Variants in SLC35F1 observed in about 807,000 individuals in gnomAD.
The protein encoded by SLC35F1 is solute carrier family 35 member F1, also known as chromosome 6 open reading frame 169.
Under a neutral mutation model 48.7 loss-of-function variants are expected in SLC35F1, and 14 were observed. The ratio of observed to expected loss-of-function variants is 0.29; its 90% CI spans 0.19 to 0.45. SLC35F1 has a LOEUF of 0.45. Ranked by LOEUF, SLC35F1 falls within the 20% of genes least tolerant of loss-of-function variation. SLC35F1 has a pLI of 1.00. For synonymous variants in SLC35F1, 190 were observed against 202.2 expected (o/e 0.94, Z 0.51); for missense variants, 404 against 500.0 (o/e 0.81, Z 1.83).
intron 1 of SLC35F1, among the ~76,000 whole-genome samples, chr6:117,926,206 T>G (rs1776025322): frequency 6.6e-6 from 1 of 152,254 alleles, no homozygotes; most frequent in South Asian, 2.1e-4. Context: ...CGCCATGCTG[T>G]TCTCTTGGTA....
chr6:118,118,259 A>G (rs1246597877), intron 1 of SLC35F1, among the ~76,000 whole-genome samples: 1 of 152,178 alleles, frequency 6.6e-6, no homozygotes, highest in East Asian at 1.9e-4. Context: ...AACTTTAGCC[A>G]TTCTAGTGGG....
At chr6:118,086,298 CT>C (rs1772988976) in intron 1 of SLC35F1, among the ~76,000 whole-genome samples, 1 of 152,176 alleles carries the variant, frequency 6.6e-6, no homozygotes, top group Non-Finnish European at 1.5e-5. Flanking sequence ...CAGGCTGTGC[CT>C]GTCTTCTGTA....
intron 1 of SLC35F1, among the ~76,000 whole-genome samples, chr6:118,127,251 G>C (rs546175133): frequency 1.4e-4 from 22 of 152,120 alleles, no homozygotes; most frequent in African/African-American, 5.1e-4. Context: ...TGTGGTTTTT[G>C]TCTTTGGTTC....
At chr6:118,061,821 C>G (rs183766764) in intron 1 of SLC35F1, among the ~76,000 whole-genome samples, 137 of 152,190 alleles carry the variant, frequency 9.0e-4, no homozygotes, top group Non-Finnish European at 1.5e-3. Flanking sequence ...AGCATGCAAC[C>G]TAGATCCTTC....
intron 1 of SLC35F1, among the ~76,000 whole-genome samples, chr6:118,056,113 G>T (rs1772459348): frequency 6.6e-6 from 1 of 152,180 alleles, no homozygotes; most frequent in Non-Finnish European, 1.5e-5. Context: ...ACTTTTCTAA[G>T]TGTTTGTGTT....
rs115705925 is a variant in SLC35F1, at chr6:117,926,950, C to T, written c.173+19051C>T. ...ATTCTAACTACCCTTTTTGAAACCA[C>T]GGGTTTTGATTGGTAATTACTGCAT... On this transcript the variant is annotated intron_variant, in intron 1 of 7. Transcript: ENST00000360388. Among the ~76,000 whole-genome samples, 922 of 152,052 alleles carry T rather than the reference C, an allele frequency of 6.1e-3. 6 individuals carry two copies. The highest frequency in any genetic ancestry group is 0.021 in the African/African-American group (885 of 41,482).
intron 2 of SLC35F1, 143 bp from the exon 3 acceptor site, chr6:118,235,366 T>C: frequency 1.2e-6 from 1 of 840,932 alleles, no homozygotes; most frequent in Non-Finnish European, 1.8e-6. Context: ...TGTGGGTATC[T>C]GATACGTTGA....
chr6:117,960,688 C>T (rs1012169039), intron 1 of SLC35F1, among the ~76,000 whole-genome samples: 7 of 151,958 alleles, frequency 4.6e-5, no homozygotes, highest in African/African-American at 1.7e-4. Flanking sequence ...GTATTCTCTG[C>T]AGAAGGAAAA....
chr6:118,187,399 T>C (rs1774671277), intron 2 of SLC35F1, among the ~76,000 whole-genome samples: 1 of 152,200 alleles, frequency 6.6e-6, no homozygotes, highest in Non-Finnish European at 1.5e-5. Flanking sequence ...AACCAACTCA[T>C]GAAAATAGTT....
intron 1 of SLC35F1, among the ~76,000 whole-genome samples, chr6:117,977,201 C>CT (rs35727493): frequency 0.21 from 30,553 of 143,310 alleles, 3,381 homozygotes; most frequent in East Asian, 0.3. Context: ...TTCTTTCTTT[C>CT]TTTTTTTTTT....
In SLC35F1 at chr6:118,314,741, C is replaced by T. The variant is rs1179896415; in HGVS notation, c.*489C>T. 1 of 158,804 alleles carries T rather than the reference C, an allele frequency of 6.3e-6. No homozygotes were observed. The highest frequency in any genetic ancestry group is 1.4e-5 in the Non-Finnish European group (1 of 71,178). 9.8% of individuals were successfully genotyped at this position (158,804 alleles called of 1,614,324 possible). A position where few individuals can be genotyped will look rare whatever the true frequency, so the allele number is the denominator to read the frequency against. On this transcript the variant is annotated 3_prime_UTR_variant, in exon 8 of 8. Transcript: ENST00000360388. ...AGTGATGCATGCCACAGGAGCTCCA[C>T]CCCTGAGAAGTTTCCTTTTCCTAGG...
At chr6:117,926,132 C>T (rs958942957) in intron 1 of SLC35F1, among the ~76,000 whole-genome samples, 1 of 152,000 alleles carries the variant, frequency 6.6e-6, no homozygotes, top group Admixed American at 6.6e-5. Flanking sequence ...AATTGTAATC[C>T]CTATAATCCC....
chr6:118,091,090 A>G, intron 1 of SLC35F1, among the ~76,000 whole-genome samples: 1 of 152,220 alleles, frequency 6.6e-6, no homozygotes, highest in Non-Finnish European at 1.5e-5. Context: ...GGGTGAATTG[A>G]TCTTAACTGA....
At chr6:118,104,480 A>G (rs1318505789) in intron 1 of SLC35F1, among the ~76,000 whole-genome samples, 1 of 152,242 alleles carries the variant, frequency 6.6e-6, no homozygotes, top group Non-Finnish European at 1.5e-5. Flanking sequence ...TAAATGCTCA[A>G]TAAATGTTAG....
intron 1 of SLC35F1, among the ~76,000 whole-genome samples, chr6:118,041,541 C>G (rs4342457): frequency 0.52 from 78,285 of 151,712 alleles, 20,972 homozygotes; most frequent in Middle Eastern, 0.65. Context: ...GGTGGGGAGA[C>G]ATTTAGACAA....
At chr6:118,277,231 CAG>C (rs1326862957) in intron 5 of SLC35F1, among the ~76,000 whole-genome samples, 18 of 152,294 alleles carry the variant, frequency 1.2e-4, no homozygotes, top group African/African-American at 4.3e-4. Flanking sequence ...AGGCTGTAGG[CAG>C]ACTGTTTGGG....
chr6:118,051,744 G>T (rs1772394792), intron 1 of SLC35F1, among the ~76,000 whole-genome samples: 1 of 152,046 alleles, frequency 6.6e-6, no homozygotes, highest in Non-Finnish European at 1.5e-5. Context: ...TGAAAAGGAG[G>T]TTCTCAGTAT....
intron 3 of SLC35F1, among the ~76,000 whole-genome samples, chr6:118,244,183 A>G (rs188858969): frequency 6.6e-6 from 1 of 152,300 alleles, no homozygotes; most frequent in East Asian, 1.9e-4. Flanking sequence ...ACCCATTCCT[A>G]CACCATCTTT....
intron 1 of SLC35F1, among the ~76,000 whole-genome samples, chr6:118,042,115 G>A (rs1772230795): frequency 6.6e-6 from 1 of 151,982 alleles, no homozygotes; most frequent in Admixed American, 6.6e-5. Flanking sequence ...GCTCTTACAT[G>A]ATATATATAT....
Sources: gnomAD v4.1 joint callset for allele counts (sites outside exome capture counted in the v4.1 genomes callset) on GRCh38, gnomAD v4.1.1 for gene constraint, MANE v1.5 for transcripts, NCBI Gene and HGNC (gene_info 2026-07-23, HGNC 2026-07-21) for gene names.